AP3B1: variants seen among roughly 807,000 people sequenced by gnomAD.
AP3B1 encodes AP-3 complex subunit beta-1.
In AP3B1, 61 loss-of-function variants were observed where a neutral mutation model predicts 132.5. The observed-to-expected ratio is 0.46, with a 90% confidence interval of 0.37 to 0.57. The LOEUF (loss-of-function observed/expected upper bound fraction) is 0.57. Ranked by LOEUF, AP3B1 falls within the 20% of genes least tolerant of loss-of-function variation. AP3B1 has a pLI of 0.00. For missense variants in AP3B1, 1,120 were observed against 1,289.4 expected, an observed-to-expected ratio of 0.87 and a Z score of 2.01; for synonymous variants, 388 against 438.3, an observed-to-expected ratio of 0.89 and a Z score of 1.43.
chr5:78,041,314 C>T (rs557105090), intron 22 of AP3B1, among the ~76,000 whole-genome samples: 10 of 150,970 alleles, frequency 6.6e-5, no homozygotes, highest in Non-Finnish European at 1.3e-4. Flanking sequence ...CTCAGCACTT[C>T]GAGAGGCCGA....
intron 1 of AP3B1, among the ~76,000 whole-genome samples, chr5:78,272,242 G>A (rs1219153019): frequency 6.6e-6 from 1 of 152,116 alleles, no homozygotes; most frequent in Non-Finnish European, 1.5e-5. Flanking sequence ...TTTCCCAACT[G>A]AGCCAATGTA....
chr5:78,170,520 T>C lies in AP3B1; in HGVS notation c.1168-4848A>G, dbSNP rs114996202. 4.8e-3 allele frequency among the ~76,000 whole-genome samples: 735 copies of C among 152,316 alleles called. 4 individuals are homozygous for C. Among genetic ancestry groups the C allele is most frequent in the African/African-American group, 0.016 (681 of 41,568 alleles). On this transcript the variant is annotated intron_variant, in intron 11 of 26. Transcript: ENST00000255194. The stretch of plus-strand genomic sequence containing the variant: ...CTCTGATGACCAATGAGGATGAGCA[T>C]TTTTTCATGTGTCTGTTGACTGCAC...
At chr5:78,224,880 C>A (rs1746340274) in intron 6 of AP3B1, among the ~76,000 whole-genome samples, 1 of 151,862 alleles carries the variant, frequency 6.6e-6, no homozygotes, top group Non-Finnish European at 1.5e-5. Flanking sequence ...ACTTCAATAC[C>A]CTGTTTTCAA....
At chr5:78,258,625 G>T (rs183705779) in intron 2 of AP3B1, among the ~76,000 whole-genome samples, 228 of 152,294 alleles carry the variant, frequency 1.5e-3, no homozygotes, top group African/African-American at 5.3e-3. Flanking sequence ...ATGGAAAACA[G>T]TTTAGAGGTT....
chr5:78,265,371 A>G (rs961578722), intron 2 of AP3B1, among the ~76,000 whole-genome samples: 2 of 152,150 alleles, frequency 1.3e-5, no homozygotes, highest in Non-Finnish European at 2.9e-5. Flanking sequence ...TGGGCTCAGG[A>G]GTTCAAAGCT....
At chr5:78,037,683 G>A (rs1026549660) in intron 23 of AP3B1, among the ~76,000 whole-genome samples, 24 of 152,294 alleles carry the variant, frequency 1.6e-4, no homozygotes, top group Middle Eastern at 3.4e-3. Context: ...GAAACAATGA[G>A]TAAAGAAGGT....
chr5:78,259,243 T>C (rs1442044692), intron 2 of AP3B1, among the ~76,000 whole-genome samples: 7 of 139,454 alleles, frequency 5.0e-5, no homozygotes, highest in Middle Eastern at 3.5e-3. Flanking sequence ...CAAGACTCCA[T>C]CTCAAAAAAA....
intron 1 of AP3B1, among the ~76,000 whole-genome samples, chr5:78,280,074 A>G (rs1332391030): frequency 6.9e-6 from 1 of 145,708 alleles, no homozygotes; most frequent in Non-Finnish European, 1.5e-5. Flanking sequence ...CTCTGTCTCA[A>G]AAAAAAAAAA....
chr5:78,002,523 T>C lies in AP3B1; in HGVS notation c.*379A>G, dbSNP rs115124715. 1,134 of 483,524 alleles carry C rather than the reference T, an allele frequency of 2.3e-3. 6 individuals are homozygous for C. The highest frequency in any genetic ancestry group is 0.02 in the African/African-American group (1,042 of 51,406). The allele number at this position is 483,524 out of a possible 1,614,324, so 30.0% of individuals were successfully genotyped here. On this transcript the variant is annotated 3_prime_UTR_variant, in exon 27 of 27. Transcript: ENST00000255194. The stretch of plus-strand genomic sequence containing the variant: ...GAGGCCATTTAGACTATCTCTTTGC[T>C]AATTTTTGCTTACTGCTGTAGGGAA...
At chr5:78,250,716 A>G (rs1229043281) in intron 2 of AP3B1, among the ~76,000 whole-genome samples, 4 of 152,184 alleles carry the variant, frequency 2.6e-5, no homozygotes, top group Non-Finnish European at 4.4e-5. Context: ...TAAAAGAGAA[A>G]AACCATGGGA....
At chr5:78,017,651 C>A (rs1261640362) in intron 25 of AP3B1, among the ~76,000 whole-genome samples, 1 of 151,832 alleles carries the variant, frequency 6.6e-6, no homozygotes, top group Non-Finnish European at 1.5e-5. Context: ...GTTTCTTAAA[C>A]CAGAGATTTT....
At chr5:78,035,709 T>C (rs911425113) in intron 23 of AP3B1, among the ~76,000 whole-genome samples, 3 of 152,106 alleles carry the variant, frequency 2.0e-5, no homozygotes, top group Admixed American at 6.6e-5. Context: ...CTCAGTGGTA[T>C]GTATGTTAGT....
At chr5:78,181,797 A>G in intron 7 of AP3B1, 135 bp from the exon 8 acceptor site, 1 of 714,636 alleles carries the variant, frequency 1.4e-6, no homozygotes, top group East Asian at 2.7e-5. Context: ...GGCAATTTAA[A>G]AATATTACAC....
chr5:78,267,313 T>C (rs1320722684), intron 2 of AP3B1, among the ~76,000 whole-genome samples: 2 of 152,044 alleles, frequency 1.3e-5, no homozygotes, highest in Admixed American at 6.6e-5. Flanking sequence ...AGAGAAAAGA[T>C]AAAATTAAAA....
chr5:78,129,424 TCCATAGGGA>T, intron 15 of AP3B1, 117 bp from the exon 16 acceptor site: 1 of 903,284 alleles, frequency 1.1e-6, no homozygotes, highest in Non-Finnish European at 1.8e-6. Context: ...CAAATGTTGT[TCCATAGGGA>T]ATACACATTT....
Position 78,066,065 on chromosome 5 carries a change from A to C in AP3B1, c.2577+23328T>G, listed in dbSNP as rs577314036. On this transcript the variant is annotated intron_variant, in intron 22 of 26. Transcript: ENST00000255194. ...TCTGGAGTGGGCCCCAGCAAACTGCAGCAGCTCTACAGAAGAGGGGCCCGA... is the reference window on the plus strand; with the variant it reads ...TCTGGAGTGGGCCCCAGCAAACTGCCGCAGCTCTACAGAAGAGGGGCCCGA... Among the ~76,000 whole-genome samples the C allele has an allele frequency of 1.4e-4, 21 of 152,334 alleles. No individual in the cohort carries two copies. In the South Asian group the frequency reaches 3.5e-3, roughly 26 times the overall value.
chr5:78,291,666 T>C (rs146164177), intron 1 of AP3B1, among the ~76,000 whole-genome samples: 10 of 152,208 alleles, frequency 6.6e-5, no homozygotes, highest in African/African-American at 2.2e-4. Flanking sequence ...TCCTTAGATA[T>C]GTCAAATTCA....
At chr5:78,007,142 G>C (rs1746429387) in intron 26 of AP3B1, among the ~76,000 whole-genome samples, 1 of 152,134 alleles carries the variant, frequency 6.6e-6, no homozygotes. Flanking sequence ...TTCTTTGTTA[G>C]AAGGAAAAGA....
chr5:78,242,785 T>C (rs1367042418), intron 2 of AP3B1, among the ~76,000 whole-genome samples: 2 of 152,216 alleles, frequency 1.3e-5, no homozygotes, highest in Non-Finnish European at 2.9e-5. Context: ...ATTTTAGTTT[T>C]ATATCTATCT....
Sources: gnomAD v4.1 joint callset for allele counts (sites outside exome capture counted in the v4.1 genomes callset) on GRCh38, gnomAD v4.1.1 for gene constraint, MANE v1.5 for transcripts, NCBI Gene and HGNC (gene_info 2026-07-23, HGNC 2026-07-21) for gene names.